Variants in SEC14L5 observed in about 807,000 individuals in gnomAD.
SEC14L5 encodes SEC14 like lipid binding 5.
In SEC14L5, 96 loss-of-function variants were observed where a neutral mutation model predicts 84.6. The ratio of observed to expected loss-of-function variants is 1.13; its 90% CI spans 0.96 to 1.34. The LOEUF is 1.34. Ranked by LOEUF, SEC14L5 falls within the 40% of genes most tolerant of loss-of-function variation. SEC14L5 has a pLI of 0.00. For missense variants in SEC14L5, 1,224 were observed against 942.5 expected (o/e 1.30, Z -3.91); for synonymous variants, 546 against 383.4 (o/e 1.42, Z -4.95).
intron 2 of SEC14L5, among the ~76,000 whole-genome samples, chr16:4,965,615 A>T (rs183931288): frequency 4.2e-4 from 60 of 144,130 alleles, no homozygotes; most frequent in African/African-American, 1.3e-3. Context: ...GAGCCGAGAT[A>T]GCACCACTGC....
chr16:4,990,081 C>T (rs57324410), intron 4 of SEC14L5, among the ~76,000 whole-genome samples: 13,613 of 151,098 alleles, frequency 0.09, 1,296 homozygotes, highest in East Asian at 0.5. Flanking sequence ...TTTAAAAAAT[C>T]TATATCTAAA....
At chr16:4,960,262 C>G (rs1003518275) in intron 2 of SEC14L5, among the ~76,000 whole-genome samples, 3 of 152,210 alleles carry the variant, frequency 2.0e-5, no homozygotes, top group African/African-American at 7.2e-5. Context: ...TGAGATAGTT[C>G]TTGGTGCTCC....
chr16:4,989,459 G>A (rs947510650), intron 4 of SEC14L5, among the ~76,000 whole-genome samples: 50 of 151,950 alleles, frequency 3.3e-4, no homozygotes, highest in African/African-American at 1.2e-3. Context: ...AGATTCTCAC[G>A]CCTCAGATTC....
At chr16:4,959,233 A>C in intron 1 of SEC14L5, 40 bp from the exon 2 acceptor site, 1 of 965,124 alleles carries the variant, frequency 1.0e-6, no homozygotes, top group Admixed American at 1.8e-5. Flanking sequence ...CTGCTTCCCG[A>C]GGTGGGAGCT....
intron 13 of SEC14L5, 56 bp from the exon 14 acceptor site, chr16:5,008,365 C>T: frequency 2.3e-6 from 3 of 1,317,190 alleles, no homozygotes; most frequent in Non-Finnish European, 3.2e-6. Flanking sequence ...CTGTGTTCCC[C>T]ACCCCAGCTC....
intron 11 of SEC14L5, among the ~76,000 whole-genome samples, chr16:5,005,247 G>A (rs1397592273): frequency 2.0e-5 from 3 of 151,986 alleles, no homozygotes; most frequent in Non-Finnish European, 2.9e-5. Context: ...CCTGGGAGGT[G>A]CAGCTTGCAG....
intron 6 of SEC14L5, among the ~76,000 whole-genome samples, chr16:4,992,495 G>C (rs1009990827): frequency 3.9e-5 from 6 of 152,120 alleles, no homozygotes; most frequent in Non-Finnish European, 8.8e-5. Context: ...CAAGTGATCT[G>C]CTTGCCTTGG....
chr16:4,959,754 T>C lies in SEC14L5; in HGVS notation c.63+368T>C, dbSNP rs189859491. Among the ~76,000 whole-genome samples, 585 of 152,306 alleles carry C rather than the reference T, an allele frequency of 3.8e-3. 2 individuals are homozygous for C. The highest frequency in any genetic ancestry group is 0.013 in the African/African-American group (561 of 41,578). On this transcript the variant is annotated intron_variant, in intron 2 of 15. Transcript: ENST00000251170. ...ATAATGACAACAGCTGTTTATTGAA[T>C]GTTTACAGCACTGTCTTAACAGATG...
chr16:5,010,240 T>G (rs534000745), intron 14 of SEC14L5, among the ~76,000 whole-genome samples: 283 of 142,366 alleles, frequency 2.0e-3, no homozygotes, highest in Non-Finnish European at 3.0e-3. Context: ...GGCGGGTGCC[T>G]GTAATCCCAG....
chr16:4,963,989 CCTTT>C (rs1568100237), intron 2 of SEC14L5, among the ~76,000 whole-genome samples: 6 of 152,228 alleles, frequency 3.9e-5, no homozygotes. Context: ...GCTCAGCCTT[CCTTT>C]CTTTCTTGAT....
At chr16:4,982,052 C>G (rs1270354213) in intron 2 of SEC14L5, among the ~76,000 whole-genome samples, 2 of 152,162 alleles carry the variant, frequency 1.3e-5, no homozygotes, top group African/African-American at 4.8e-5. Flanking sequence ...CGAGGCCTCC[C>G]TATTCCAACG....
chr16:4,966,130 T>C (rs1955197436), intron 2 of SEC14L5, among the ~76,000 whole-genome samples: 1 of 152,186 alleles, frequency 6.6e-6, no homozygotes, highest in South Asian at 2.1e-4. Context: ...CATGCCTGGC[T>C]AATTTTTTCT....
At chr16:5,006,175 A>G in intron 12 of SEC14L5, 127 bp downstream of exon 12, 1 of 928,072 alleles carries the variant, frequency 1.1e-6, no homozygotes, top group Admixed American at 2.5e-5. Flanking sequence ...CACTCTGCCT[A>G]GGGCAGGTCT....
Position 4,996,470 on chromosome 16 carries a change from G to A in SEC14L5, c.780+10G>A. The A allele has an allele frequency of 6.7e-7, 1 of 1,484,552 alleles. No homozygotes were observed. Among genetic ancestry groups the A allele is most frequent in the South Asian group, 1.2e-5 (1 of 82,838 alleles). 92.0% of individuals were successfully genotyped at this position (1,484,552 alleles called of 1,614,324 possible). On this transcript the variant is annotated intron_variant, in intron 7 of 15. Coordinates refer to ENST00000251170, the MANE Select transcript of SEC14L5 (RefSeq NM_014692.2). ...GACCCACAAAGGCAAGGTGGGTGCA[G>A]GGGGTACCCTGGAGCAGTGGATGAA...
intron 2 of SEC14L5, among the ~76,000 whole-genome samples, chr16:4,976,768 T>C (rs1955346122): frequency 6.6e-6 from 1 of 152,180 alleles, no homozygotes; most frequent in African/African-American, 2.4e-5. Flanking sequence ...GGATGTCCTC[T>C]CCAGCCACCT....
At chr16:4,970,933 C>T (rs543875936) in intron 2 of SEC14L5, among the ~76,000 whole-genome samples, 10 of 152,252 alleles carry the variant, frequency 6.6e-5, no homozygotes, top group African/African-American at 2.2e-4. Flanking sequence ...CATGGTGAAA[C>T]CCCGTCTCTA....
At chr16:5,013,314 G>A (rs563222204) in intron 15 of SEC14L5, among the ~76,000 whole-genome samples, 3 of 152,294 alleles carry the variant, frequency 2.0e-5, no homozygotes, top group East Asian at 3.9e-4. Flanking sequence ...GAGGGTGGGG[G>A]AAGTAATATG....
At chr16:5,004,454 C>A (rs1205631158) in intron 11 of SEC14L5, among the ~76,000 whole-genome samples, 1 of 152,126 alleles carries the variant, frequency 6.6e-6, no homozygotes, top group South Asian at 2.1e-4. Context: ...GAGGGGTGTC[C>A]TGAAGGGGCT....
At chr16:5,012,726 G>A (rs571709489) in intron 15 of SEC14L5, among the ~76,000 whole-genome samples, 4 of 152,118 alleles carry the variant, frequency 2.6e-5, no homozygotes, top group South Asian at 2.1e-4. Flanking sequence ...CCAACATGGC[G>A]AAACCCCGTC....
Sources: allele counts gnomAD v4.1 joint callset (sites outside exome capture counted in the v4.1 genomes callset), GRCh38; gene constraint gnomAD v4.1.1; transcripts MANE v1.5; gene names NCBI Gene and HGNC (gene_info 2026-07-23, HGNC 2026-07-21).